AGBL3: variants seen among roughly 807,000 people sequenced by gnomAD.
The protein encoded by AGBL3 is cytosolic carboxypeptidase 3.
In AGBL3, 68 loss-of-function variants were observed where a neutral mutation model predicts 94.5. That is an observed-to-expected ratio of 0.72 (90% CI 0.59 to 0.88). The LOEUF is 0.88. Ranked by LOEUF, AGBL3 falls within the 40% of genes least tolerant of loss-of-function variation. AGBL3 has a pLI of 0.00. For missense variants in AGBL3, 934 were observed against 1,103.8 expected (o/e 0.85, Z 2.18); for synonymous variants, 354 against 370.7 (o/e 0.95, Z 0.52).
intron 15 of AGBL3, among the ~76,000 whole-genome samples, chr7:135,088,828 G>T (rs1300422015): frequency 2.0e-5 from 3 of 152,168 alleles, no homozygotes; most frequent in Admixed American, 6.5e-5. Context: ...TTGACAATAT[G>T]ACTGTAATGT....
chr7:135,076,332 T>C (rs1820446731), intron 12 of AGBL3, 65 bp from the exon 13 acceptor site: 8 of 1,189,640 alleles, frequency 6.7e-6, no homozygotes, highest in Non-Finnish European at 3.6e-6. Flanking sequence ...AACAATTTCA[T>C]GTCTGCATAT....
chr7:135,056,594 C>A (rs1584960035), intron 11 of AGBL3, among the ~76,000 whole-genome samples: 1 of 151,506 alleles, frequency 6.6e-6, no homozygotes, highest in East Asian at 1.9e-4. Context: ...TTCAATATAC[C>A]AGCCACGAAC....
At chr7:135,017,304 A>G in intron 5 of AGBL3, 145 bp downstream of exon 5, 2 of 638,434 alleles carry the variant, frequency 3.1e-6, no homozygotes, top group Non-Finnish European at 5.5e-6. Flanking sequence ...TATTGATCCA[A>G]GTGTTGATTT....
At chr7:135,101,497 T>TA (rs112646093) in intron 15 of AGBL3, among the ~76,000 whole-genome samples, 22 of 148,722 alleles carry the variant, frequency 1.5e-4, no homozygotes, top group East Asian at 7.8e-4. Flanking sequence ...AATATAGCCT[T>TA]AAAAAAAAAA....
chr7:135,062,323 G>T (rs963606295), intron 12 of AGBL3, among the ~76,000 whole-genome samples: 1 of 151,848 alleles, frequency 6.6e-6, no homozygotes, highest in African/African-American at 2.4e-5. Context: ...AGATCATGTT[G>T]TCTCCAAACA....
chr7:135,001,950 T>A (rs1313475518), intron 4 of AGBL3, among the ~76,000 whole-genome samples: 3 of 152,186 alleles, frequency 2.0e-5, no homozygotes, highest in Non-Finnish European at 4.4e-5. Context: ...AGTGGTGACT[T>A]TTACTTCTAG....
chr7:135,129,917 G>A (rs1828488717), intron 16 of AGBL3, among the ~76,000 whole-genome samples: 1 of 152,156 alleles, frequency 6.6e-6, no homozygotes, highest in Non-Finnish European at 1.5e-5. Flanking sequence ...TTCAGAAAAT[G>A]AAACTACAGA....
chr7:135,073,149 G>A (rs961407886), intron 12 of AGBL3, among the ~76,000 whole-genome samples: 4 of 152,022 alleles, frequency 2.6e-5, no homozygotes, highest in South Asian at 2.1e-4. Context: ...ACCAGGGGTC[G>A]GGGAGATGTT....
chr7:134,998,582 G>T (rs1213739886), intron 4 of AGBL3, among the ~76,000 whole-genome samples: 1 of 152,128 alleles, frequency 6.6e-6, no homozygotes, highest in Admixed American at 6.5e-5. Context: ...AGTCTAGCTC[G>T]TGCTTCCTTT....
At chr7:135,046,574 T>C (rs1817379663) in intron 11 of AGBL3, among the ~76,000 whole-genome samples, 1 of 152,166 alleles carries the variant, frequency 6.6e-6, no homozygotes, top group African/African-American at 2.4e-5. Flanking sequence ...TCACACAGTA[T>C]GTGGCCTTTT....
chr7:135,098,510 G>A, intron 15 of AGBL3, among the ~76,000 whole-genome samples: 1 of 152,174 alleles, frequency 6.6e-6, no homozygotes, highest in Middle Eastern at 3.2e-3. Context: ...TAAATCCACG[G>A]ATGTGGAGCC....
At chr7:135,128,291 C>CAAAAAAAA (rs61217008) in intron 16 of AGBL3, among the ~76,000 whole-genome samples, 1 of 58,070 alleles carries the variant, frequency 1.7e-5, no homozygotes, top group African/African-American at 8.1e-5. Context: ...GACTCCATCT[C>CAAAAAAAA]AAAAAAAAAA....
intron 12 of AGBL3, among the ~76,000 whole-genome samples, chr7:135,075,798 G>A (rs983012160): frequency 6.6e-6 from 1 of 152,142 alleles, no homozygotes; most frequent in East Asian, 1.9e-4. Context: ...ATCTCATTGT[G>A]GTTTTAATTT....
intron 5 of AGBL3, among the ~76,000 whole-genome samples, chr7:135,023,543 G>T (rs1814744593): frequency 6.6e-6 from 1 of 152,158 alleles, no homozygotes; most frequent in Non-Finnish European, 1.5e-5. Context: ...AGAGTAGGCA[G>T]AGACAGAGCT....
chr7:135,036,866 G>C (rs1020202254), intron 7 of AGBL3, among the ~76,000 whole-genome samples: 6 of 152,050 alleles, frequency 3.9e-5, no homozygotes, highest in Admixed American at 3.9e-4. Context: ...GATCTTGTTG[G>C]AGAAAGTCTT....
chr7:135,017,052 A>G lies in AGBL3; in HGVS notation c.311A>G (p.Asp104Gly). 1 of 1,524,098 alleles carries G rather than the reference A, an allele frequency of 6.6e-7. No individual in the cohort carries two copies. Among genetic ancestry groups the G allele is most frequent in the Non-Finnish European group, 8.9e-7 (1 of 1,125,426 alleles). 94.4% of individuals were successfully genotyped at this position (1,524,098 alleles called of 1,614,324 possible). ...EVIDEKVQHI[D>G]WTPSCPEPVY... is the part of the protein sequence containing the mutation. ...AATAATGTTTCACTTTTTTTTCCAG[A>G]TTGGACTCCTTCTTGTCCTGAGCCA... Residue 104 changes from aspartate to glycine, a missense_variant and splice_region_variant, in exon 5 of 17, where the codon GAT (aspartate) becomes GGT (glycine). Around this residue, in one of 3 missense-constraint regions of AGBL3, gnomAD observed 488 missense variants for 563.6 expected, o/e 0.87. Coordinates refer to ENST00000436302, the MANE Select transcript of AGBL3 (RefSeq NM_178563.4).
At chr7:135,129,716 A>G in intron 16 of AGBL3, 1 of 748,026 alleles carries the variant, frequency 1.3e-6, no homozygotes, top group Non-Finnish European at 2.5e-6. Context: ...AAGATATGGA[A>G]GTGGATTGGT....
intron 5 of AGBL3, among the ~76,000 whole-genome samples, chr7:135,028,883 G>A (rs927127462): frequency 4.6e-5 from 7 of 152,198 alleles, no homozygotes; most frequent in African/African-American, 1.2e-4. Flanking sequence ...TGGTTGTTTC[G>A]TTAACAGGCA....
At chr7:135,048,681 AAC>A (rs1233575005) in intron 11 of AGBL3, among the ~76,000 whole-genome samples, 2 of 151,594 alleles carry the variant, frequency 1.3e-5, no homozygotes, top group East Asian at 3.9e-4. Context: ...AGTATATAGA[AAC>A]ACAATGGATT....
Sources: allele counts gnomAD v4.1 joint callset (sites outside exome capture counted in the v4.1 genomes callset), GRCh38; gene constraint gnomAD v4.1.1; regional missense constraint gnomAD v4.1.1; transcripts MANE v1.5; gene names NCBI Gene and HGNC (gene_info 2026-07-23, HGNC 2026-07-21).